Variants in TTF1 observed in about 807,000 individuals in gnomAD.
TTF1 encodes transcription termination factor, RNA polymerase I.
Under a neutral mutation model 80.2 loss-of-function variants are expected in TTF1, and 64 were observed. The ratio of observed to expected loss-of-function variants is 0.80; its 90% CI spans 0.65 to 0.98. The LOEUF is 0.98. TTF1 is among the 50% of genes least tolerant of loss of function. The pLI is 0.00. For synonymous variants in TTF1, 372 were observed against 382.7 expected (o/e 0.97, Z 0.33); for missense variants, 1,023 against 1,086.2 (o/e 0.94, Z 0.82).
chr9:132,398,747 ACACCTGG>A (rs1849703700), intron 3 of TTF1, among the ~76,000 whole-genome samples: 1 of 152,000 alleles, frequency 6.6e-6, no homozygotes, highest in Non-Finnish European at 1.5e-5. Context: ...GGTGTGTGTG[ACACCTGG>A]CTAATTTTTT....
Position 132,400,091 on chromosome 9 carries a change from G to A in TTF1, c.1535C>T (p.Thr512Ile). The A allele has an allele frequency of 6.2e-7, 1 of 1,614,158 alleles. No homozygotes were observed. The highest frequency in any genetic ancestry group is 8.5e-7 in the Non-Finnish European group (1 of 1,180,036). The change falls in exon 3 of 11, where the codon ACA (threonine) becomes ATA (isoleucine). Residue 512 changes from threonine (T) to isoleucine (I), a missense_variant. Coordinates refer to ENST00000334270, the MANE Select transcript of TTF1 (RefSeq NM_007344.4). The stretch of plus-strand genomic sequence containing the variant: ...GTCGTCCCGGTACATCCGCTTGATT[G>A]TGCTGGTGGCCCTGTCCTTGATGTT... ...IPNIKDRATS[T>I]IKRMYRDDLE...
chr9:132,381,335 T>C (rs891540302), intron 9 of TTF1, among the ~76,000 whole-genome samples: 1 of 151,860 alleles, frequency 6.6e-6, no homozygotes, highest in Non-Finnish European at 1.5e-5. Flanking sequence ...GGATTACAGG[T>C]ACCTGCTACC....
intron 10 of TTF1, among the ~76,000 whole-genome samples, chr9:132,377,507 TGTGGTGTGAGTGCATGCATGTA>T (rs1407466105): frequency 7.6e-5 from 8 of 105,182 alleles, no homozygotes; most frequent in African/African-American, 3.0e-4. Flanking sequence ...AGTGCATGCA[TGTGGTGTGAGTGCATGCATGTA>T]GTGTGAGTGC....
intron 9 of TTF1, among the ~76,000 whole-genome samples, chr9:132,379,630 C>G (rs563938819): frequency 6.6e-6 from 1 of 152,172 alleles, no homozygotes; most frequent in African/African-American, 2.4e-5. Flanking sequence ...AGGGATAGAG[C>G]TGGGACTTCA....
rs778276097 is a variant in TTF1 at position 132,401,609 on chromosome 9, C to T, written c.1213G>A (p.Asp405Asn). The T allele has an allele frequency of 1.2e-6, 2 of 1,614,036 alleles. No homozygotes were observed. The highest frequency in any genetic ancestry group is 1.7e-6 in the Non-Finnish European group (2 of 1,180,042). The change falls in exon 2 of 11, where the codon GAT becomes AAT. Residue 405 changes from aspartate to asparagine, a missense_variant. By Grantham distance (23) the Asp-to-Asn change is conservative (BLOSUM62 1). Coordinates refer to ENST00000334270, the MANE Select transcript of TTF1 (RefSeq NM_007344.4). The part of the protein sequence containing the change: ...TSVKRARVSG[D>N]DFSVPSKNSE... ...TTCTTACTGGGCACTGAAAAATCAT[C>T]ACCAGACACTCGTGCCCTTTTGACA...
Position 132,392,068 on chromosome 9 carries a change from C to T in TTF1, c.1987+8G>A. The T allele has an allele frequency of 6.2e-7, 1 of 1,613,630 alleles. No homozygotes were observed. The highest frequency in any genetic ancestry group is 8.5e-7 in the Non-Finnish European group (1 of 1,179,964). ...TCAGCGAGGTGGGCACTGGGGGCTG[C>T]CACTTACGACTGCTGATCTGTGAGA... On this transcript the variant is annotated splice_region_variant and intron_variant, in intron 6 of 10. Transcript: ENST00000334270.
chr9:132,381,922 A>G (rs182118659), intron 9 of TTF1, among the ~76,000 whole-genome samples: 3 of 152,300 alleles, frequency 2.0e-5, no homozygotes, highest in African/African-American at 7.2e-5. Flanking sequence ...CAGTAGCCAC[A>G]CTTCTGGAAG....
intron 6 of TTF1, among the ~76,000 whole-genome samples, chr9:132,391,510 TAA>T (rs968102879): frequency 6.2e-5 from 9 of 145,124 alleles, no homozygotes; most frequent in African/African-American, 2.3e-4. Flanking sequence ...TTCACAAAAT[TAA>T]AAAAAAAAAC....
At chr9:132,393,375 C>T (rs1027639026) in intron 5 of TTF1, among the ~76,000 whole-genome samples, 5 of 151,864 alleles carry the variant, frequency 3.3e-5, no homozygotes, top group African/African-American at 9.7e-5. Context: ...GGAATGAGGG[C>T]AAGGAACACC....
At chr9:132,406,741 T>C (rs1849876067) in intron 1 of TTF1, 49 bp downstream of exon 1, 1 of 152,118 alleles carries the variant, frequency 6.6e-6, no homozygotes, top group South Asian at 2.1e-4. Context: ...GCTGAGTTTT[T>C]ACGCGCGCAT....
chr9:132,401,298 C>A (rs998739179), intron 2 of TTF1, among the ~76,000 whole-genome samples, 157 bp downstream of exon 2: 3 of 151,682 alleles, frequency 2.0e-5, no homozygotes, highest in African/African-American at 7.3e-5. Flanking sequence ...TGCACTCCAG[C>A]CTGGACAATA....
chr9:132,395,817 A>AAC (rs1464068123), intron 5 of TTF1, among the ~76,000 whole-genome samples: 1 of 152,160 alleles, frequency 6.6e-6, no homozygotes, highest in Non-Finnish European at 1.5e-5. Context: ...AATCCGAGCT[A>AAC]ACACCTTCCT....
At chr9:132,392,919 T>A (rs1301327190) in intron 5 of TTF1, among the ~76,000 whole-genome samples, 3 of 152,218 alleles carry the variant, frequency 2.0e-5, no homozygotes, top group Non-Finnish European at 4.4e-5. Flanking sequence ...TATCAAAAAA[T>A]ATCAACGATG....
chr9:132,386,889 T>TA (rs1849477525), intron 8 of TTF1, among the ~76,000 whole-genome samples: 1 of 151,618 alleles, frequency 6.6e-6, no homozygotes, highest in Non-Finnish European at 1.5e-5. Flanking sequence ...TTTCTCACAG[T>TA]AAAAAACACC....
intron 5 of TTF1, 106 bp from the exon 6 acceptor site, chr9:132,392,312 G>T: frequency 7.3e-7 from 1 of 1,368,670 alleles, no homozygotes; most frequent in Non-Finnish European, 1.0e-6. Flanking sequence ...AATGGGGCAG[G>T]CTGTCAGGGA....
At chr9:132,394,190 C>T (rs909493730) in intron 5 of TTF1, among the ~76,000 whole-genome samples, 9 of 152,008 alleles carry the variant, frequency 5.9e-5, no homozygotes, top group African/African-American at 2.2e-4. Context: ...CATGAGCCAC[C>T]GCACCCAGCC....
chr9:132,396,513 T>A lies in TTF1; in HGVS notation c.1778-2A>T, dbSNP rs1210421679. 6 of 1,614,002 alleles carry A rather than the reference T, an allele frequency of 3.7e-6. No individual in the cohort carries two copies. The highest frequency in any genetic ancestry group is 4.2e-6 in the Non-Finnish European group (5 of 1,179,910). ...TCCAGGGCCGGGCAATGTTCCTACCTAAAGTCAGAAGAAAGGTGATCAGAG... is the reference window on the plus strand; with the variant it reads ...TCCAGGGCCGGGCAATGTTCCTACCAAAAGTCAGAAGAAAGGTGATCAGAG... On this transcript the variant is annotated splice_acceptor_variant, in intron 4 of 10. Transcript: ENST00000334270. LOFTEE classifies it high-confidence loss of function.
chr9:132,388,073 G>T, intron 8 of TTF1, 66 bp downstream of exon 8: 4 of 1,300,218 alleles, frequency 3.1e-6, no homozygotes, highest in Non-Finnish European at 3.3e-6. Flanking sequence ...GACTCTGCTG[G>T]GTTAACAACT....
chr9:132,405,329 G>C (rs569281584), intron 1 of TTF1, among the ~76,000 whole-genome samples: 2 of 152,122 alleles, frequency 1.3e-5, no homozygotes, highest in African/African-American at 4.8e-5. Context: ...CTCAGCCTCC[G>C]GAGTAGTAGC....
Sources: allele counts gnomAD v4.1 joint callset (sites outside exome capture counted in the v4.1 genomes callset), GRCh38; gene constraint gnomAD v4.1.1; transcripts MANE v1.5; gene names NCBI Gene and HGNC (gene_info 2026-07-23, HGNC 2026-07-21).